Variants in CDH13 observed in about 807,000 individuals in gnomAD.
The protein encoded by CDH13 is cadherin 13.
Under a neutral mutation model 63.8 loss-of-function variants are expected in CDH13, and 24 were observed. That is an observed-to-expected ratio of 0.38 (90% CI 0.27 to 0.53). CDH13 has a LOEUF of 0.53. Ranked by LOEUF, CDH13 falls within the 20% of genes least tolerant of loss-of-function variation. The pLI is 0.85. For synonymous variants in CDH13, 503 were observed against 355.3 expected (o/e 1.42, Z -4.67); for missense variants, 1,049 against 903.1 (o/e 1.16, Z -2.07).
chr16:82,741,946 G>A (rs1424802262), intron 1 of CDH13, among the ~76,000 whole-genome samples: 1 of 152,056 alleles, frequency 6.6e-6, no homozygotes, highest in African/African-American at 2.4e-5. Context: ...AATTTATCAA[G>A]TGGAAATAAA....
chr16:82,922,805 C>G (rs1006873529), intron 2 of CDH13, among the ~76,000 whole-genome samples: 1 of 152,178 alleles, frequency 6.6e-6, no homozygotes, highest in Non-Finnish European at 1.5e-5. Flanking sequence ...CTGTGCCACA[C>G]TGTATAACCT....
intron 3 of CDH13, among the ~76,000 whole-genome samples, chr16:83,090,891 G>GA (rs36114971): frequency 0.6 from 87,663 of 147,090 alleles, 27,930 homozygotes; most frequent in East Asian, 0.8. Context: ...AAACCATTTT[G>GA]AAAAAAAAAA....
chr16:83,478,165 A>C (rs902951823), intron 6 of CDH13, among the ~76,000 whole-genome samples: 3 of 152,004 alleles, frequency 2.0e-5, no homozygotes, highest in Non-Finnish European at 4.4e-5. Context: ...GTCTCAAAAA[A>C]AAAAAAAACA....
chr16:83,048,653 T>C (rs971656505), intron 3 of CDH13, among the ~76,000 whole-genome samples: 14 of 152,008 alleles, frequency 9.2e-5, no homozygotes, highest in African/African-American at 3.1e-4. Flanking sequence ...CTAACTCCTT[T>C]CCTCCCTCTC....
intron 1 of CDH13, among the ~76,000 whole-genome samples, chr16:82,778,006 C>G (rs777907156): frequency 1.3e-5 from 2 of 152,160 alleles, no homozygotes; most frequent in Non-Finnish European, 2.9e-5. Context: ...AAGAGATGCC[C>G]TGACACTTTT....
intron 5 of CDH13, among the ~76,000 whole-genome samples, chr16:83,328,693 G>A (rs1464137703): frequency 2.0e-5 from 3 of 152,200 alleles, no homozygotes; most frequent in African/African-American, 7.2e-5. Context: ...GATGGAAGCA[G>A]CTGATGGAGT....
intron 5 of CDH13, among the ~76,000 whole-genome samples, chr16:83,285,472 T>C (rs1024929611): frequency 6.6e-6 from 1 of 151,564 alleles, no homozygotes; most frequent in Non-Finnish European, 1.5e-5. Flanking sequence ...TGGTCACAGA[T>C]ATCCACAGGT....
At chr16:83,296,781 G>A (rs992966) in intron 5 of CDH13, among the ~76,000 whole-genome samples, 3,578 of 152,242 alleles carry the variant, frequency 0.024, 142 homozygotes, top group African/African-American at 0.081. Context: ...AAGTACAACA[G>A]CAGATTGCAT....
intron 2 of CDH13, among the ~76,000 whole-genome samples, chr16:83,020,130 C>A (rs147393564): frequency 6.6e-6 from 1 of 152,160 alleles, no homozygotes; most frequent in Non-Finnish European, 1.5e-5. Context: ...ATCAGAACAT[C>A]GCTATGTGGC....
intron 7 of CDH13, among the ~76,000 whole-genome samples, chr16:83,543,380 C>A (rs958910054): frequency 1.3e-5 from 2 of 152,160 alleles, no homozygotes; most frequent in Non-Finnish European, 2.9e-5. Context: ...AATGACATGG[C>A]TCCTTTAATG....
At chr16:83,200,515 T>C (rs2038994560) in intron 4 of CDH13, among the ~76,000 whole-genome samples, 1 of 152,196 alleles carries the variant, frequency 6.6e-6, no homozygotes, top group South Asian at 2.1e-4. Context: ...GTCCCCTGTC[T>C]ACACGTAGCC....
intron 2 of CDH13, among the ~76,000 whole-genome samples, chr16:82,876,889 C>G (rs2040524538): frequency 2.0e-5 from 3 of 152,170 alleles, no homozygotes. Flanking sequence ...CAGTGCTGAG[C>G]TCTGACCATA....
intron 6 of CDH13, among the ~76,000 whole-genome samples, chr16:83,358,478 C>T (rs752381672): frequency 6.6e-6 from 1 of 152,176 alleles, no homozygotes; most frequent in Admixed American, 6.5e-5. Context: ...TGGATTGCTT[C>T]TCTCCAGAAT....
chr16:83,424,523 G>C (rs2071826958), intron 6 of CDH13, among the ~76,000 whole-genome samples: 2 of 151,986 alleles, frequency 1.3e-5, no homozygotes, highest in African/African-American at 4.8e-5. Context: ...AAGCTGCTGT[G>C]GTAAGAGGTA....
At position 82,700,976 on chromosome 16, in the gene CDH13, C is replaced by T. The variant is rs542122166; in HGVS notation, c.45+73839C>T. On this transcript the variant is annotated intron_variant, in intron 1 of 13. Transcript: ENST00000567109. Reference sequence around the variant, plus strand: ...ACCCGCCCCCCCCCCCCCCCCCCCGCCCCGGGCATCTCCAAACTGCTGTCC... The same window carrying T: ...ACCCGCCCCCCCCCCCCCCCCCCCGTCCCGGGCATCTCCAAACTGCTGTCC... Among the ~76,000 whole-genome samples the T allele has an allele frequency of 7.9e-4, 61 of 76,766 alleles. 5 individuals carry two copies. The highest frequency in any genetic ancestry group is 2.9e-3 in the African/African-American group (57 of 19,762). 50.4% of individuals were successfully genotyped at this position (76,766 alleles called of 152,430 possible).
chr16:82,881,075 A>G (rs1788365007), intron 2 of CDH13, among the ~76,000 whole-genome samples: 2 of 152,012 alleles, frequency 1.3e-5, no homozygotes, highest in Middle Eastern at 3.2e-3. Flanking sequence ...TATAACATTC[A>G]TTTTCAGTGC....
At chr16:83,204,520 C>G (rs898720720) in intron 4 of CDH13, among the ~76,000 whole-genome samples, 7 of 152,148 alleles carry the variant, frequency 4.6e-5, no homozygotes, top group African/African-American at 1.7e-4. Flanking sequence ...TCACCATGAG[C>G]CTTTCCATTA....
chr16:83,121,962 T>TCACA (rs10665608), intron 3 of CDH13, among the ~76,000 whole-genome samples: 25,374 of 147,336 alleles, frequency 0.17, 2,388 homozygotes, highest in Non-Finnish European at 0.22. Context: ...TTTAAAACTG[T>TCACA]CACACACACA....
At position 83,477,743 on chromosome 16, in the gene CDH13, C is replaced by T. The variant is rs1598110658; in HGVS notation, c.782-8734C>T. Among the ~76,000 whole-genome samples the T allele has an allele frequency of 3.3e-5, 5 of 152,234 alleles. 1 individual carries two copies. Among genetic ancestry groups the T allele is most frequent in the Admixed American group, 3.3e-4 (5 of 15,292 alleles). On this transcript the variant is annotated intron_variant, in intron 6 of 13. Coordinates refer to ENST00000567109, the MANE Select transcript of CDH13 (RefSeq NM_001257.5). ...CCTTTGGGGGAAAGAATGGCTCTAC[C>T]AACAGACAAGGTCAAAAGCTGGTGG...
Sources: allele counts gnomAD v4.1 joint callset (sites outside exome capture counted in the v4.1 genomes callset), GRCh38; gene constraint gnomAD v4.1.1; transcripts MANE v1.5; gene names NCBI Gene and HGNC (gene_info 2026-07-23, HGNC 2026-07-21).